Variants in THSD4 observed in about 807,000 individuals in gnomAD.
THSD4 encodes thrombospondin type 1 domain containing 4, also known as thrombospondin type-1 domain-containing protein 4.
THSD4 carries 69 observed loss-of-function variants against 119.0 expected under a neutral mutation model. The observed-to-expected ratio is 0.58, with a 90% CI of 0.48 to 0.71. The LOEUF is 0.71. THSD4 is among the 30% of genes least tolerant of loss of function. The probability of loss-of-function intolerance (pLI) is 0.00; values close to 1 mark genes in which losing one functional copy is unlikely to be tolerated. For missense variants in THSD4, 1,393 were observed against 1,391.1 expected, an observed-to-expected ratio of 1.00 and a Z score of -0.02; for synonymous variants, 524 against 540.4, an observed-to-expected ratio of 0.97 and a Z score of 0.42.
At chr15:71,223,415 A>G (rs1038960949) in intron 4 of THSD4, among the ~76,000 whole-genome samples, 6 of 152,266 alleles carry the variant, frequency 3.9e-5, no homozygotes, top group Non-Finnish European at 5.9e-5. Flanking sequence ...AGTGTTACAT[A>G]GGAATACTGA....
At chr15:71,364,310 C>T (rs896963715) in intron 6 of THSD4, among the ~76,000 whole-genome samples, 7 of 152,150 alleles carry the variant, frequency 4.6e-5, no homozygotes, top group African/African-American at 7.2e-5. Flanking sequence ...TGCAGTTGGG[C>T]GGTAAGATGA....
chr15:71,215,075 A>ACGGCGG lies in THSD4; in HGVS notation c.149_154dup (p.Gly50_Gly51dup), dbSNP rs764215317. On this transcript the variant is annotated inframe_insertion, in exon 4 of 18. Coordinates refer to ENST00000261862, the MANE Select transcript of THSD4 (RefSeq NM_024817.3). ...GCGGCGGAGGGCGCCCCCGAGGACGACGGCGGCGGCGGCGCCCCGGGAGTG... is the reference window on the plus strand; with the variant it reads ...GCGGCGGAGGGCGCCCCCGAGGACGACGGCGGCGGCGGCGGCGGCGCCCCGGGAGTG... 15 of 1,300,936 alleles carry ACGGCGG rather than the reference A, an allele frequency of 1.2e-5. No individual in the cohort carries two copies. In the Middle Eastern group the frequency reaches 8.9e-4, roughly 77 times the overall value. The allele number at this position is 1,300,936 out of a possible 1,614,324, so 80.6% of individuals were successfully genotyped here.
chr15:71,626,018 T>C (rs553691802), intron 7 of THSD4, among the ~76,000 whole-genome samples: 2 of 152,348 alleles, frequency 1.3e-5, no homozygotes, highest in South Asian at 4.1e-4. Flanking sequence ...TTTACGTCCT[T>C]TTAGAGGATT....
intron 6 of THSD4, among the ~76,000 whole-genome samples, chr15:71,361,115 T>C (rs1053216871): frequency 2.0e-5 from 3 of 152,172 alleles, no homozygotes; most frequent in Non-Finnish European, 4.4e-5. Flanking sequence ...GTCTGGTGTT[T>C]GTAGAGCATG....
At chr15:71,289,994 GT>G (rs1042731402) in intron 6 of THSD4, among the ~76,000 whole-genome samples, 2 of 152,094 alleles carry the variant, frequency 1.3e-5, no homozygotes, top group Non-Finnish European at 2.9e-5. Flanking sequence ...GTATCCACGT[GT>G]GCTGATACCT....
chr15:71,376,793 T>C (rs956359075), intron 6 of THSD4, among the ~76,000 whole-genome samples: 1 of 152,152 alleles, frequency 6.6e-6, no homozygotes, highest in Non-Finnish European at 1.5e-5. Context: ...TCTGGCTGGG[T>C]TAAGAACTCA....
intron 8 of THSD4, among the ~76,000 whole-genome samples, chr15:71,718,858 G>A (rs1313165793): frequency 1.3e-5 from 2 of 152,142 alleles, no homozygotes; most frequent in African/African-American, 4.8e-5. Flanking sequence ...GCATCTCGTG[G>A]AAATTTTACC....
At chr15:71,289,159 C>T (rs993346464) in intron 6 of THSD4, among the ~76,000 whole-genome samples, 5 of 152,094 alleles carry the variant, frequency 3.3e-5, no homozygotes, top group African/African-American at 1.2e-4. Context: ...TGGACAAATG[C>T]CACAGCTCCT....
intron 7 of THSD4, among the ~76,000 whole-genome samples, chr15:71,653,646 G>A (rs575975739): frequency 6.6e-6 from 1 of 152,224 alleles, no homozygotes; most frequent in Non-Finnish European, 1.5e-5. Context: ...GCAGGAGGAT[G>A]AGAAGCTAGG....
intron 8 of THSD4, among the ~76,000 whole-genome samples, chr15:71,689,253 A>G (rs1280383186): frequency 6.6e-6 from 1 of 152,190 alleles, no homozygotes; most frequent in African/African-American, 2.4e-5. Context: ...GGGAGCCACC[A>G]CCTGGTTCCT....
intron 7 of THSD4, among the ~76,000 whole-genome samples, chr15:71,462,011 C>T (rs1340823340): frequency 6.6e-6 from 1 of 152,170 alleles, no homozygotes; most frequent in Non-Finnish European, 1.5e-5. Flanking sequence ...GAAGCTCCTT[C>T]AGAGCTGAAG....
At chr15:71,659,780 A>T (rs2051265125) in intron 7 of THSD4, among the ~76,000 whole-genome samples, 1 of 152,212 alleles carries the variant, frequency 6.6e-6, no homozygotes, top group Non-Finnish European at 1.5e-5. Flanking sequence ...GGAGAGATAA[A>T]GCAAAAAGAT....
intron 7 of THSD4, among the ~76,000 whole-genome samples, chr15:71,429,948 A>G (rs1365559693): frequency 2.0e-5 from 3 of 152,238 alleles, no homozygotes; most frequent in Non-Finnish European, 4.4e-5. Context: ...GAAACAGATG[A>G]AAAACAAACA....
At chr15:71,097,264 A>G (rs1345171082) in intron 1 of THSD4, among the ~76,000 whole-genome samples, 1 of 152,120 alleles carries the variant, frequency 6.6e-6, no homozygotes, top group Non-Finnish European at 1.5e-5. Context: ...TATGTTATTA[A>G]CTATTTATTG....
intron 7 of THSD4, among the ~76,000 whole-genome samples, chr15:71,498,189 A>G (rs1317923264): frequency 6.6e-6 from 1 of 152,198 alleles, no homozygotes; most frequent in African/African-American, 2.4e-5. Flanking sequence ...ACACTTTCTA[A>G]TCAGAAAGAA....
chr15:71,453,574 G>A (rs966087228), intron 7 of THSD4, among the ~76,000 whole-genome samples: 2 of 152,190 alleles, frequency 1.3e-5, no homozygotes, highest in African/African-American at 4.8e-5. Context: ...GGTACTTGGC[G>A]ACTTAGATTT....
At chr15:71,241,074 G>T (rs577056617) in intron 4 of THSD4, among the ~76,000 whole-genome samples, 1 of 152,278 alleles carries the variant, frequency 6.6e-6, no homozygotes, top group East Asian at 1.9e-4. Context: ...AGTGAAGAAA[G>T]AATTTTCTCA....
intron 6 of THSD4, among the ~76,000 whole-genome samples, chr15:71,329,871 A>G (rs1167887232): frequency 1.3e-5 from 2 of 152,212 alleles, no homozygotes; most frequent in African/African-American, 4.8e-5. Flanking sequence ...TCTTGAGCCC[A>G]TGAGTTTGAG....
At chr15:71,674,172 C>G (rs2051591795) in intron 8 of THSD4, among the ~76,000 whole-genome samples, 1 of 152,318 alleles carries the variant, frequency 6.6e-6, no homozygotes, top group South Asian at 2.1e-4. Context: ...CTCCCCCAGC[C>G]CTAGGCTGCA....
Sources: allele counts gnomAD v4.1 joint callset (sites outside exome capture counted in the v4.1 genomes callset), GRCh38; gene constraint gnomAD v4.1.1; transcripts MANE v1.5; gene names NCBI Gene and HGNC (gene_info 2026-07-23, HGNC 2026-07-21).